Variants in LAMA3 observed in about 807,000 individuals in gnomAD.
LAMA3 encodes laminin subunit alpha-3.
In LAMA3, 281 loss-of-function variants were observed where a neutral mutation model predicts 402.0. That is an observed-to-expected ratio of 0.70 (90% CI 0.63 to 0.77). The LOEUF is 0.77. Ranked by LOEUF, LAMA3 falls within the 30% of genes least tolerant of loss-of-function variation. The pLI is 0.00. For missense variants in LAMA3, 3,840 were observed against 4,215.5 expected (o/e 0.91, Z 2.47); for synonymous variants, 1,431 against 1,558.4 (o/e 0.92, Z 1.93).
intron 32 of LAMA3, among the ~76,000 whole-genome samples, chr18:23,855,046 C>T (rs370837836): frequency 1.3e-5 from 2 of 152,162 alleles, no homozygotes; most frequent in Non-Finnish European, 1.5e-5. Context: ...AAAAAAACCA[C>T]AGGCTCCTGT....
Position 23,879,476 on chromosome 18 carries a change from A to G in LAMA3, c.5113-2460A>G, listed in dbSNP as rs934130376. On this transcript the variant is annotated intron_variant, in intron 39 of 74. Transcript: ENST00000313654. This position sits in a 1 kb window ranked among gnomAD's most constrained non-coding sequence, Gnocchi z 4.2. ...CTGGCACACTTGTGTCCTATTTTCC[A>G]CGTGATATTGAATACGTCTATTCAC... 6.6e-6 allele frequency among the ~76,000 whole-genome samples: 1 copy of G among 151,934 alleles called. No homozygotes were observed. Among genetic ancestry groups the G allele is most frequent in the Admixed American group, 6.6e-5 (1 of 15,256 alleles).
In LAMA3 at chr18:23,689,458, C is replaced by T; in HGVS notation, c.-226C>T. ...GCGCGCGGCTGAGCGCTGTCAGTTC[C>T]TGATCCGGCTGGTGCCCGCTCCAGC... On this transcript the variant is annotated 5_prime_UTR_variant, in exon 1 of 75. Transcript: ENST00000313654. 5.4e-6 allele frequency: 2 copies of T among 372,636 alleles called. No individual in the cohort carries two copies. The highest frequency in any genetic ancestry group is 9.4e-6 in the Non-Finnish European group (2 of 212,910). 23.1% of individuals were successfully genotyped at this position (372,636 alleles called of 1,614,324 possible). A position where few individuals can be genotyped will look rare whatever the true frequency, so the allele number is the denominator to read the frequency against.
At chr18:23,784,850 A>G (rs2062511422) in intron 12 of LAMA3, among the ~76,000 whole-genome samples, 1 of 152,198 alleles carries the variant, frequency 6.6e-6, no homozygotes, top group African/African-American at 2.4e-5. Context: ...ACAATGGTGT[A>G]GGGGAAGGGA....
At chr18:23,763,089 T>A (rs991757763) in intron 7 of LAMA3, among the ~76,000 whole-genome samples, 3 of 152,130 alleles carry the variant, frequency 2.0e-5, no homozygotes, top group Non-Finnish European at 4.4e-5. Context: ...ACTCCTGAAC[T>A]CATTGTGATC....
intron 32 of LAMA3, among the ~76,000 whole-genome samples, chr18:23,856,580 C>T (rs1200320791): frequency 6.6e-6 from 1 of 152,112 alleles, no homozygotes; most frequent in Admixed American, 6.5e-5. Flanking sequence ...TGCTTTTCTG[C>T]CTCTGCTCAG....
intron 73 of LAMA3, among the ~76,000 whole-genome samples, chr18:23,952,039 G>A (rs1029181689): frequency 6.6e-6 from 1 of 152,198 alleles, no homozygotes; most frequent in Non-Finnish European, 1.5e-5. Context: ...ACACTAATAA[G>A]CTAGGCTAGT....
rs376913999 is a variant in LAMA3, at chr18:23,736,292, C to T, written c.448-11651C>T. ...AAATGTGCTATCACATCTAGTTTGACGTCTTCAATTTTCCTGTGCTTTATA... is the reference window on the plus strand; with the variant it reads ...AAATGTGCTATCACATCTAGTTTGATGTCTTCAATTTTCCTGTGCTTTATA... On this transcript the variant is annotated intron_variant, in intron 2 of 74. Coordinates refer to ENST00000313654, the MANE Select transcript of LAMA3 (RefSeq NM_198129.4). Among the ~76,000 whole-genome samples, 20 of 148,782 alleles carry T rather than the reference C, an allele frequency of 1.3e-4. No homozygotes were observed. In the East Asian group the frequency reaches 2.4e-3, roughly 18 times the overall value.
At chr18:23,779,744 C>T (rs1196016128) in intron 11 of LAMA3, among the ~76,000 whole-genome samples, 1 of 152,010 alleles carries the variant, frequency 6.6e-6, no homozygotes, top group Non-Finnish European at 1.5e-5. Flanking sequence ...TGAGAGTCAT[C>T]CAGGAATGTG....
intron 36 of LAMA3, among the ~76,000 whole-genome samples, chr18:23,865,297 G>A (rs2064328378): frequency 6.6e-6 from 1 of 151,916 alleles, no homozygotes; most frequent in African/African-American, 2.4e-5. Context: ...GCCAGCTGAG[G>A]AGTTTTTAAT....
intron 41 of LAMA3, among the ~76,000 whole-genome samples, chr18:23,888,192 G>C (rs2080503791): frequency 6.6e-6 from 1 of 152,142 alleles, no homozygotes; most frequent in East Asian, 1.9e-4. Context: ...TGACCACCCT[G>C]CTTAGTAGAC....
At chr18:23,756,687 A>T (rs2061850979) in intron 6 of LAMA3, among the ~76,000 whole-genome samples, 3 of 152,128 alleles carry the variant, frequency 2.0e-5, no homozygotes, top group South Asian at 4.1e-4. Flanking sequence ...GGGCTCCAAA[A>T]CTGAGAGCTG....
At chr18:23,750,803 C>G in intron 4 of LAMA3, 115 bp from the exon 5 acceptor site, 1 of 1,096,542 alleles carries the variant, frequency 9.1e-7, no homozygotes, top group Non-Finnish European at 1.4e-6. Context: ...CTACGAATAT[C>G]AAATGGCTCA....
rs12608223 is a variant in LAMA3, at chr18:23,759,049, T to G, written c.1063+538T>G. On this transcript the variant is annotated intron_variant, in intron 7 of 74. Transcript: ENST00000313654. ...TAACATAAAGTAAGAAAAGCGTTTT[T>G]TTTTTGTTTTTGTTTTTTAGGCCTG... Among the ~76,000 whole-genome samples, 1,338 of 152,170 alleles carry G rather than the reference T, an allele frequency of 8.8e-3. 47 individuals carry two copies. In the East Asian group the frequency reaches 0.11, roughly 12 times the overall value.
In LAMA3 at chr18:23,822,376, G is replaced by A. The variant is rs375558120; in HGVS notation, c.2428+1G>A. On this transcript the variant is annotated splice_donor_variant, in intron 20 of 74. Transcript: ENST00000313654. LOFTEE classifies it high-confidence loss of function. ...CATATAACTATTTATCCATCCTGGGGTAAGGCACGTAGGTAAAATGTCAAG... is the reference window on the plus strand; with the variant it reads ...CATATAACTATTTATCCATCCTGGGATAAGGCACGTAGGTAAAATGTCAAG... 3.1e-6 allele frequency: 5 copies of A among 1,613,258 alleles called. No homozygotes were observed. The Admixed American group carries it at 5.0e-5, about 16-fold the overall frequency.
rs930958756 is a variant in LAMA3, at chr18:23,914,637, C to T, written c.7482-61C>T. On this transcript the variant is annotated intron_variant, in intron 57 of 74. Transcript: ENST00000313654. ...TGTTGCTGAACCCCATTTTTAGTGG[C>T]TTGGCTTTGAATTCTTCAAATTTTT... 5.9e-5 allele frequency: 95 copies of T among 1,600,544 alleles called. No individual in the cohort carries two copies. In the African/African-American group the frequency reaches 1.1e-3, roughly 19 times the overall value.
chr18:23,716,543 C>A (rs941790657), intron 2 of LAMA3, among the ~76,000 whole-genome samples: 2 of 152,166 alleles, frequency 1.3e-5, no homozygotes, highest in Non-Finnish European at 2.9e-5. Context: ...TTACCCATGT[C>A]TGCTGGCTTG....
intron 8 of LAMA3, among the ~76,000 whole-genome samples, chr18:23,772,881 A>C (rs1032671516): frequency 7.9e-5 from 12 of 152,268 alleles, no homozygotes; most frequent in Admixed American, 7.2e-4. Context: ...TAATTTAATT[A>C]TGTGGCAATT....
chr18:23,903,157 TA>T, intron 49 of LAMA3, 32 bp downstream of exon 49: 1 of 1,297,620 alleles, frequency 7.7e-7, no homozygotes, highest in East Asian at 2.3e-5. Flanking sequence ...TAGAAAAATC[TA>T]AAAACATTTT....
chr18:23,723,916 G>T (rs182945814), intron 2 of LAMA3, among the ~76,000 whole-genome samples: 2 of 151,974 alleles, frequency 1.3e-5, no homozygotes, highest in African/African-American at 2.4e-5. Flanking sequence ...TGGGGAACAG[G>T]TGGTGTTTGG....
Sources: gnomAD v4.1 joint callset for allele counts (sites outside exome capture counted in the v4.1 genomes callset) on GRCh38, gnomAD v4.1.1 for gene constraint, Gnocchi (gnomAD v3.1) non-coding constraint, MANE v1.5 for transcripts, NCBI Gene and HGNC (gene_info 2026-07-23, HGNC 2026-07-21) for gene names.